Variants in PEMT observed in about 807,000 individuals in gnomAD.
The protein encoded by PEMT is phospholipid methyltransferase.
In PEMT, 23 loss-of-function variants were observed where a neutral mutation model predicts 27.4. That is an observed-to-expected ratio of 0.84 (90% CI 0.60 to 1.19). PEMT has a LOEUF of 1.19. PEMT is among the 50% of genes most tolerant of loss of function. PEMT has a pLI of 0.00. For missense variants in PEMT, 307 were observed against 310.1 expected (o/e 0.99, Z 0.07); for synonymous variants, 137 against 139.1 (o/e 0.98, Z 0.11).
In PEMT at chr17:17,541,749, G is replaced by A. The variant is rs552213744; in HGVS notation, c.205-19354C>T. Among the ~76,000 whole-genome samples the A allele has an allele frequency of 4.6e-5, 7 of 152,380 alleles. No homozygotes were observed. In the South Asian group the frequency reaches 1.2e-3, roughly 27 times the overall value. On this transcript the variant is annotated intron_variant, in intron 2 of 6. Coordinates refer to ENST00000255389, the MANE Select transcript of PEMT (RefSeq NM_148172.3). The stretch of plus-strand genomic sequence containing the variant: ...CCAAGAAGGCTCCTCAGCGACCGGG[G>A]CCTGCCCAGGGTGTCTGCAGCCAGC...
upstream of PEMT, chr17:17,591,807 C>T (rs879604817): frequency 2.7e-5 from 38 of 1,416,952 alleles, no homozygotes; most frequent in African/African-American, 1.5e-4. Context: ...TATCTGGGGG[C>T]TCGCGACAGC....
intron 2 of PEMT, among the ~76,000 whole-genome samples, chr17:17,558,767 C>T (rs977762044): frequency 5.9e-5 from 9 of 151,902 alleles, no homozygotes; most frequent in African/African-American, 1.9e-4. Context: ...ATTTCTGAGC[C>T]CTCCTAGGCC....
chr17:17,517,905 A>C, intron 3 of PEMT: 1 of 878,064 alleles, frequency 1.1e-6, no homozygotes, highest in Non-Finnish European at 1.4e-6. Context: ...CCTGCACCCC[A>C]CCCACCCAGA....
At chr17:17,527,077 G>A (rs1470916417) in intron 2 of PEMT, among the ~76,000 whole-genome samples, 16 of 152,172 alleles carry the variant, frequency 1.1e-4, no homozygotes, top group Non-Finnish European at 2.4e-4. Flanking sequence ...CGCTCTTGTT[G>A]CCCAGCCTGG....
chr17:17,515,020 C>G (rs1172827982), intron 3 of PEMT, among the ~76,000 whole-genome samples: 1 of 152,200 alleles, frequency 6.6e-6, no homozygotes, highest in East Asian at 1.9e-4. Flanking sequence ...TGCACTCTGC[C>G]TGCTGTGGAA....
At position 17,582,753 on chromosome 17, in the gene PEMT, GA is replaced by G. The variant is rs377056025; in HGVS notation, c.97-5727del. On this transcript the variant is annotated intron_variant, in intron 1 of 6. Transcript: ENST00000255389. The surrounding 1 kb of genome is among the most constrained non-coding windows in gnomAD (Gnocchi z 4.9). ...CAAAGACATAAGGATGAGTGTGCCA[GA>G]GTCTTTTTCCTCTAAGTTTATTCTC... 7.5e-4 allele frequency among the ~76,000 whole-genome samples: 115 copies of G among 152,330 alleles called. No homozygotes were observed. The highest frequency in any genetic ancestry group is 2.6e-3 in the African/African-American group (110 of 41,582).
At chr17:17,524,895 G>A (rs1907557195) in intron 2 of PEMT, among the ~76,000 whole-genome samples, 1 of 152,184 alleles carries the variant, frequency 6.6e-6, no homozygotes, top group African/African-American at 2.4e-5. Flanking sequence ...GGATCATGAG[G>A]TCAAGAGATC....
At chr17:17,534,205 A>G (rs1908300347) in intron 2 of PEMT, among the ~76,000 whole-genome samples, 2 of 152,238 alleles carry the variant, frequency 1.3e-5, no homozygotes, top group African/African-American at 4.8e-5. Context: ...ATGTCCATCA[A>G]CCAGTGAATA....
intron 2 of PEMT, among the ~76,000 whole-genome samples, chr17:17,546,479 TG>T (rs1909270136): frequency 6.6e-6 from 1 of 152,210 alleles, no homozygotes; most frequent in Non-Finnish European, 1.5e-5. Flanking sequence ...GGGGGTGCAG[TG>T]GGCATGATCA....
rs7946 is a variant in PEMT, at chr17:17,506,246, C to T, written c.634G>A (p.Val212Met). 0.69 allele frequency: 1,082,411 copies of T among 1,577,234 alleles called. 385,160 individuals are homozygous for T. The highest frequency in any genetic ancestry group is 0.75 in the Non-Finnish European group (867,259 of 1,160,170). Residue 212 changes from valine (V) to methionine (M), a missense_variant, in exon 6 of 7, where the codon GTG becomes ATG. Coordinates refer to ENST00000255389, the MANE Select transcript of PEMT (RefSeq NM_148172.3). ...ACTCACTCTTCGTATAGGAGAGCCA[C>T]TATGTAGGTGAGGGCCACCAGCACC... is the stretch of plus-strand genomic sequence containing the variant. ...LTVLVALTYI[V>M]ALLYEEPFTA...
chr17:17,517,523 G>A (rs1425107088), intron 3 of PEMT, among the ~76,000 whole-genome samples: 5 of 152,224 alleles, frequency 3.3e-5, no homozygotes, highest in Non-Finnish European at 5.9e-5. Context: ...GAGCAGGTCC[G>A]GCCAGGCACT....
In PEMT at chr17:17,554,231, G is replaced by A. The variant is rs558821059; in HGVS notation, c.204+22689C>T. Among the ~76,000 whole-genome samples, 6 of 152,328 alleles carry A rather than the reference G, an allele frequency of 3.9e-5. No homozygotes were observed. The Middle Eastern group carries it at 0.017, about 432-fold the overall frequency. ...CAAAGAAGACAGCGTTAGAGACCCG[G>A]CCCCCTCCCCTCAGCCACAAGGCAG... is the stretch of plus-strand genomic sequence containing the variant. On this transcript the variant is annotated intron_variant, in intron 2 of 6. Transcript: ENST00000255389.
At chr17:17,580,369 C>T (rs1426480467) in intron 1 of PEMT, among the ~76,000 whole-genome samples, 3 of 151,986 alleles carry the variant, frequency 2.0e-5, no homozygotes, top group South Asian at 2.1e-4. Context: ...CCCAGCTACT[C>T]GGGAGGCTGA....
At chr17:17,519,437 A>G (rs1310980033) in intron 3 of PEMT, among the ~76,000 whole-genome samples, 1 of 152,336 alleles carries the variant, frequency 6.6e-6, no homozygotes, top group East Asian at 1.9e-4. Flanking sequence ...GAGGAGGGAA[A>G]GCTGGGAGCC....
At chr17:17,563,834 C>T (rs144314899) in intron 2 of PEMT, among the ~76,000 whole-genome samples, 1 of 152,212 alleles carries the variant, frequency 6.6e-6, no homozygotes, top group Admixed American at 6.5e-5. Flanking sequence ...CAGCACAGCC[C>T]CACCCACCTC....
chr17:17,558,056 T>G (rs896775738), intron 2 of PEMT, among the ~76,000 whole-genome samples: 9 of 152,030 alleles, frequency 5.9e-5, no homozygotes, highest in Non-Finnish European at 1.3e-4. Flanking sequence ...GAAAGGGCAG[T>G]GGAGGCTGGG....
intron 1 of PEMT, among the ~76,000 whole-genome samples, chr17:17,587,821 A>G (rs1912395300): frequency 1.3e-5 from 2 of 152,234 alleles, no homozygotes; most frequent in African/African-American, 4.8e-5. Flanking sequence ...GGTTGCAATG[A>G]GCTGGTATCA....
intron 2 of PEMT, among the ~76,000 whole-genome samples, chr17:17,551,604 G>C (rs193058475): frequency 2.1e-4 from 32 of 152,304 alleles, no homozygotes; most frequent in Admixed American, 7.2e-4. Flanking sequence ...AGGATGCCCC[G>C]AACAGCAGAT....
intron 2 of PEMT, among the ~76,000 whole-genome samples, chr17:17,547,463 G>A (rs1010458829): frequency 6.6e-6 from 1 of 152,250 alleles, no homozygotes; most frequent in Admixed American, 6.5e-5. Flanking sequence ...GAATAACCTG[G>A]AGCGAGGGCA....
Sources: gnomAD v4.1 joint callset for allele counts (sites outside exome capture counted in the v4.1 genomes callset) on GRCh38, gnomAD v4.1.1 for gene constraint, Gnocchi (gnomAD v3.1) non-coding constraint, MANE v1.5 for transcripts, NCBI Gene and HGNC (gene_info 2026-07-23, HGNC 2026-07-21) for gene names.